Variants in MAGI3 observed in about 807,000 individuals in gnomAD.
MAGI3 encodes membrane-associated guanylate kinase, WW and PDZ domain-containing protein 3.
Under a neutral mutation model 121.8 loss-of-function variants are expected in MAGI3, and 43 were observed. The observed-to-expected ratio is 0.35, with a 90% CI of 0.28 to 0.46. The LOEUF is 0.46. MAGI3 is among the 20% of genes least tolerant of loss of function. MAGI3 has a pLI of 1.00. For missense variants in MAGI3, 1,547 were observed against 1,797.3 expected (o/e 0.86, Z 2.52); for synonymous variants, 553 against 639.3 (o/e 0.86, Z 2.04).
At chr1:113,446,037 T>G (rs1360646608) in intron 1 of MAGI3, among the ~76,000 whole-genome samples, 1 of 152,238 alleles carries the variant, frequency 6.6e-6, no homozygotes, top group Non-Finnish European at 1.5e-5. Flanking sequence ...AACCCCACTT[T>G]TTTTGTTTTC....
At position 113,425,273 on chromosome 1, in the gene MAGI3, A is replaced by ATT. The variant is rs949045641; in HGVS notation, c.316+33950_316+33951dup. On this transcript the variant is annotated intron_variant, in intron 1 of 20. Coordinates refer to ENST00000307546, the MANE Select transcript of MAGI3 (RefSeq NM_001142782.2). ...TCAAAGCCTTTAAATTACAAATTCA[A>ATT]TTTTTTTTTTTTTTTTTTTTTTTTT... Among the ~76,000 whole-genome samples, 374 of 86,910 alleles carry ATT rather than the reference A, an allele frequency of 4.3e-3. 35 individuals are homozygous for ATT. Among genetic ancestry groups the ATT allele is most frequent in the African/African-American group, 4.9e-3 (112 of 22,706 alleles). 57.0% of individuals were successfully genotyped at this position (86,910 alleles called of 152,430 possible).
chr1:113,449,964 G>A, intron 1 of MAGI3: 3 of 1,556,028 alleles, frequency 1.9e-6, no homozygotes, highest in African/African-American at 1.3e-5. Context: ...AAAGACAGCT[G>A]TTTCTAGAGA....
chr1:113,391,489 A>G lies in MAGI3; in HGVS notation c.316+140A>G. 1 of 970,914 alleles carries G rather than the reference A, an allele frequency of 1.0e-6. No individual in the cohort carries two copies. Among genetic ancestry groups the G allele is most frequent in the Non-Finnish European group, 1.5e-6 (1 of 672,424 alleles). The allele number at this position is 970,914 out of a possible 1,614,324, so 60.1% of individuals were successfully genotyped here. A position where few individuals can be genotyped will look rare whatever the true frequency, so the allele number is the denominator to read the frequency against. On this transcript the variant is annotated intron_variant, in intron 1 of 20. Coordinates refer to ENST00000307546, the MANE Select transcript of MAGI3 (RefSeq NM_001142782.2). This position sits in a 1 kb window ranked among gnomAD's most constrained non-coding sequence, Gnocchi z 4.4. ...CTAGGGTGTGCCAGACTCCTTGACG[A>G]GGGGGAGGGGTGGCGTTGGTGAGTC...
At chr1:113,674,830 C>T (rs1270907691) in intron 19 of MAGI3, among the ~76,000 whole-genome samples, 1 of 152,090 alleles carries the variant, frequency 6.6e-6, no homozygotes, top group East Asian at 1.9e-4. Flanking sequence ...TCAAAATGAC[C>T]AGACACATGC....
intron 2 of MAGI3, among the ~76,000 whole-genome samples, chr1:113,550,029 T>A (rs1188748568): frequency 6.7e-6 from 1 of 149,086 alleles, no homozygotes; most frequent in African/African-American, 2.5e-5. Context: ...GGCAGGAGAA[T>A]CGCTTGAACC....
chr1:113,429,489 T>C lies in MAGI3; in HGVS notation c.316+38140T>C, dbSNP rs554068141. Among the ~76,000 whole-genome samples the C allele has an allele frequency of 3.9e-5, 6 of 152,306 alleles. No individual in the cohort carries two copies. In the South Asian group the frequency reaches 1.2e-3, roughly 32 times the overall value. On this transcript the variant is annotated intron_variant, in intron 1 of 20. Transcript: ENST00000307546. ...TTAAATACCCTCTAGAGGTTTCCCA[T>C]TGGTAACTTGGTTTACACTCTATGT... is the stretch of plus-strand genomic sequence containing the variant.
chr1:113,639,577 C>CT (rs1480617691), intron 9 of MAGI3, among the ~76,000 whole-genome samples: 1 of 150,736 alleles, frequency 6.6e-6, no homozygotes, highest in Non-Finnish European at 1.5e-5. Flanking sequence ...AATTTTTTTT[C>CT]TTTTTTTGAG....
intron 1 of MAGI3, among the ~76,000 whole-genome samples, chr1:113,398,596 C>T (rs1651240171): frequency 6.6e-6 from 1 of 151,724 alleles, no homozygotes. Flanking sequence ...GCCTGTATCT[C>T]GTTGTTCTGA....
intron 9 of MAGI3, among the ~76,000 whole-genome samples, chr1:113,640,817 A>G (rs1411837614): frequency 1.3e-5 from 2 of 150,150 alleles, no homozygotes; most frequent in African/African-American, 2.5e-5. Flanking sequence ...AGGTGTAGCA[A>G]ACCACCATGG....
chr1:113,471,746 C>T (rs915048347), intron 1 of MAGI3, among the ~76,000 whole-genome samples: 2 of 152,058 alleles, frequency 1.3e-5, no homozygotes, highest in African/African-American at 2.4e-5. Context: ...ACCACAAACA[C>T]CTTAGTAATG....
chr1:113,644,119 G>T lies in MAGI3; in HGVS notation c.1998+345G>T, dbSNP rs533974360. 9.8e-4 allele frequency among the ~76,000 whole-genome samples: 149 copies of T among 152,252 alleles called. 2 individuals are homozygous for T. Among genetic ancestry groups the T allele is most frequent in the African/African-American group, 3.3e-3 (137 of 41,550 alleles). ...GAAACAAGGTAGGAAGGACCTAAAT[G>T]TTAAGACAGATGATAAACTATTACA... On this transcript the variant is annotated intron_variant, in intron 11 of 20. Coordinates refer to ENST00000307546, the MANE Select transcript of MAGI3 (RefSeq NM_001142782.2).
chr1:113,607,610 G>T (rs1354508634), intron 6 of MAGI3, among the ~76,000 whole-genome samples: 1 of 151,940 alleles, frequency 6.6e-6, no homozygotes. Context: ...CATGATAATT[G>T]CTTGTTTAAT....
chr1:113,588,020 G>A (rs1570906761), intron 4 of MAGI3, among the ~76,000 whole-genome samples: 3 of 152,116 alleles, frequency 2.0e-5, no homozygotes, highest in Non-Finnish European at 2.9e-5. Context: ...TGAACAAAAC[G>A]GACAAAAACC....
intron 15 of MAGI3, among the ~76,000 whole-genome samples, chr1:113,656,992 A>G (rs1261760241): frequency 6.6e-6 from 1 of 152,148 alleles, no homozygotes; most frequent in Non-Finnish European, 1.5e-5. Flanking sequence ...CCTTCTTATC[A>G]TGTAGTTTTC....
rs1651985038 is a variant in MAGI3, at chr1:113,635,931, A to C, written c.1361-5980A>C. Among the ~76,000 whole-genome samples, 8 of 152,132 alleles carry C rather than the reference A, an allele frequency of 5.3e-5. No homozygotes were observed. In the South Asian group the frequency reaches 1.7e-3, roughly 31 times the overall value. On this transcript the variant is annotated intron_variant, in intron 9 of 20. Transcript: ENST00000307546. ...CTGTTATTCGTCTATTCAGAGATTC[A>C]ACTTCTTCCTGGTTTAGTCTTGGGA...
At chr1:113,659,327 G>A (rs1159959071) in intron 16 of MAGI3, 62 bp downstream of exon 16, 1 of 1,534,708 alleles carries the variant, frequency 6.5e-7, no homozygotes, top group Non-Finnish European at 8.9e-7. Flanking sequence ...CCTGTGTGAG[G>A]CAGTGGCCTC....
At chr1:113,476,751 A>C (rs920613988) in intron 1 of MAGI3, among the ~76,000 whole-genome samples, 3 of 152,202 alleles carry the variant, frequency 2.0e-5, no homozygotes, top group Non-Finnish European at 4.4e-5. Context: ...TTTGTTGCAG[A>C]GCTGAGTTCA....
chr1:113,400,792 A>G (rs1372216672), intron 1 of MAGI3, among the ~76,000 whole-genome samples: 1 of 152,318 alleles, frequency 6.6e-6, no homozygotes, highest in African/African-American at 2.4e-5. Context: ...TAGAATGCAC[A>G]TGCTAGTGAA....
chr1:113,424,254 TG>T (rs142438503), intron 1 of MAGI3, among the ~76,000 whole-genome samples: 22,536 of 127,526 alleles, frequency 0.18, 2,681 homozygotes, highest in East Asian at 0.65. Context: ...CCACTCCACA[TG>T]GGCCGCCACT....
Sources: allele counts gnomAD v4.1 joint callset (sites outside exome capture counted in the v4.1 genomes callset), GRCh38; gene constraint gnomAD v4.1.1; non-coding constraint Gnocchi (gnomAD v3.1); transcripts MANE v1.5; gene names NCBI Gene and HGNC (gene_info 2026-07-23, HGNC 2026-07-21).